Variants in ZNF628 observed in about 807,000 individuals in gnomAD.
The protein encoded by ZNF628 is zinc finger protein 628, also known as zinc finger protein Zec.
Under a neutral mutation model 2.5 loss-of-function variants are expected in ZNF628, and 3 were observed. The observed-to-expected ratio is 1.19, with a 90% CI of 0.54 to 3.07. The LOEUF (loss-of-function observed/expected upper bound fraction) is 3.07. ZNF628 is among the 30% of genes most tolerant of loss of function. ZNF628 has a pLI of 0.03. For synonymous variants in ZNF628, 861 were observed against 717.1 expected (o/e 1.20, Z -3.21); for missense variants, 1,610 against 1,517.1 (o/e 1.06, Z -1.02).
Position 55,481,673 on chromosome 19 carries a change from G to A in ZNF628, c.480G>A (p.Ser160=). 6.2e-7 allele frequency: 1 copy of A among 1,611,488 alleles called. No homozygotes were observed. Among genetic ancestry groups the A allele is most frequent in the Non-Finnish European group, 8.5e-7 (1 of 1,179,138 alleles). Reference sequence around the variant, plus strand: ...ACTGCCCCAAGGCCTTCAAGAACTCGTCCAGCCTGCGGCGCCACCGCCACG... The same window carrying A: ...ACTGCCCCAAGGCCTTCAAGAACTCATCCAGCCTGCGGCGCCACCGCCACG... ...CPDCPKAFKN[S]SSLRRHRHVH... The change falls in exon 3 of 3, where the codon TCG becomes TCA. Residue 160 remains serine (S), a synonymous_variant. Coordinates refer to ENST00000598519, the MANE Select transcript of ZNF628 (RefSeq NM_033113.3).
In ZNF628 at chr19:55,479,589, T is replaced by C. The variant is rs1986649501; in HGVS notation, c.-77-245T>C. ...TTTCTGGACCTCGCACTGCTGACAT[T>C]GTGGATGGGATTGTTCTCCGCTGTG... On this transcript the variant is annotated intron_variant, in intron 1 of 2. Transcript: ENST00000598519. This position sits in a 1 kb window ranked among gnomAD's most constrained non-coding sequence, Gnocchi z 5.1. Among the ~76,000 whole-genome samples the C allele has an allele frequency of 6.6e-6, 1 of 152,028 alleles. No individual in the cohort carries two copies. Among genetic ancestry groups the C allele is most frequent in the Admixed American group, 6.5e-5 (1 of 15,268 alleles).
chr19:55,483,136 A>C lies in ZNF628; in HGVS notation c.1943A>C (p.Asn648Thr). The C allele has an allele frequency of 6.3e-7, 1 of 1,585,438 alleles. No individual in the cohort carries two copies. The highest frequency in any genetic ancestry group is 2.3e-5 in the East Asian group (1 of 43,888). The change falls in exon 3 of 3, where the codon AAC becomes ACC. Residue 648 changes from asparagine to threonine, a missense_variant. Physicochemically the swap from Asn to Thr is moderately conservative, Grantham distance 65. This residue lies in a region of ZNF628 where 712 missense variants were observed against 603.6 expected (regional missense o/e 1.18). Coordinates refer to ENST00000598519, the MANE Select transcript of ZNF628 (RefSeq NM_033113.3). Reference sequence around the variant, plus strand: ...CACCTGAGGACGCACGCCCCGGCCAACACGCCTCCCAGCACCACAGCCCCT... The same window carrying C: ...CACCTGAGGACGCACGCCCCGGCCACCACGCCTCCCAGCACCACAGCCCCT... ...QRHLRTHAPA[N>T]TPPSTTAPAA...
At chr19:55,478,927 G>C (rs1392498065) in intron 1 of ZNF628, among the ~76,000 whole-genome samples, 1 of 152,188 alleles carries the variant, frequency 6.6e-6, no homozygotes, top group Non-Finnish European at 1.5e-5. Flanking sequence ...TAGATTTTGG[G>C]CATGTTAAGT....
rs1487205489 is a variant in ZNF628 at position 55,481,859 on chromosome 19, C to T, written c.666C>T (p.His222=). Residue 222 remains histidine (H), a synonymous_variant, in exon 3 of 3, where the codon CAC becomes CAT. Coordinates refer to ENST00000598519, the MANE Select transcript of ZNF628 (RefSeq NM_033113.3). ...CCCACTCCTCCAACCTGCTGCTGCA[C>T]CAGCGCACGCACGGCGCCGCCCCCG... is the stretch of plus-strand genomic sequence containing the variant. ...TFTHSSNLLL[H]QRTHGAAPAP... is the part of the protein sequence containing the mutation. 2.5e-6 allele frequency: 4 copies of T among 1,579,968 alleles called. No individual in the cohort carries two copies. Among genetic ancestry groups the T allele is most frequent in the South Asian group, 1.1e-5 (1 of 87,958 alleles).
rs767004725 is a variant in ZNF628, at chr19:55,483,056, C to T, written c.1863C>T (p.Pro621=). Residue 621 remains proline, a synonymous_variant, in exon 3 of 3, where the codon CCC becomes CCT. Transcript: ENST00000598519. ...AGCGCACGCACTCGGCGGAGCGCCC[C>T]TTCACCTGCCCCATCTGCGGTCGCG... ...LHQRTHSAER[P]FTCPICGRGF... 2.5e-6 allele frequency: 4 copies of T among 1,611,124 alleles called. No homozygotes were observed. The highest frequency in any genetic ancestry group is 1.3e-5 in the African/African-American group (1 of 74,920).
In ZNF628 at chr19:55,482,868, G is replaced by A. The variant is rs780436601; in HGVS notation, c.1675G>A (p.Val559Met). 33 of 1,602,498 alleles carry A rather than the reference G, an allele frequency of 2.1e-5. No individual in the cohort carries two copies. Among genetic ancestry groups the A allele is most frequent in the Non-Finnish European group, 2.7e-5 (32 of 1,172,926 alleles). The part of the protein sequence containing the change: ...NTSCLRRHRH[V>M]HTGERPHACG... The stretch of plus-strand genomic sequence containing the variant: ...GTCGTGCCTGCGTCGCCACCGCCAC[G>A]TGCACACTGGCGAGAGGCCCCACGC... Residue 559 changes from valine (V) to methionine (M), a missense_variant, in exon 3 of 3, where the codon GTG becomes ATG. By Grantham distance (21) the Val-to-Met change is conservative. Transcript: ENST00000598519.
chr19:55,476,977 G>C (rs1194989556), intron 1 of ZNF628, among the ~76,000 whole-genome samples, 170 bp downstream of exon 1: 1 of 152,182 alleles, frequency 6.6e-6, no homozygotes. Context: ...TAAAGGGCAA[G>C]GGGCCACATT....
rs1986810867 is a variant in ZNF628 at position 55,483,522 on chromosome 19, C to T, written c.2329C>T (p.Pro777Ser). The T allele has an allele frequency of 6.4e-7, 1 of 1,563,430 alleles. No individual in the cohort carries two copies. The highest frequency in any genetic ancestry group is 8.7e-7 in the Non-Finnish European group (1 of 1,153,634). The stretch of plus-strand genomic sequence containing the variant: ...CCAGGGGGCGGGAGTGGTCTGGCTG[C>T]CAGGCCCTGGGGGTCTAGGGGTGCA... ...AGQGAGVVWL[P>S]GPGGLGVQGA... Residue 777 changes from proline to serine, a missense_variant, in exon 3 of 3, where the codon CCA becomes TCA. Physicochemically the swap from Pro to Ser is moderately conservative, Grantham distance 74. Transcript: ENST00000598519.
chr19:55,481,257 G>T lies in ZNF628; in HGVS notation c.64G>T (p.Gly22Trp). ...GCCGGCCTCTACTGCGGAGGGGGCC[G>T]GGGAGAAGCCAGGCCCTGCGGCCCC... ...MAPASTAEGA[G>W]EKPGPAAPAP... Residue 22 changes from glycine to tryptophan, a missense_variant, in exon 3 of 3, where the codon GGG becomes TGG. By Grantham distance (184) the Gly-to-Trp change is radical. Transcript: ENST00000598519. 2 of 1,585,442 alleles carry T rather than the reference G, an allele frequency of 1.3e-6. No homozygotes were observed. The highest frequency in any genetic ancestry group is 1.7e-6 in the Non-Finnish European group (2 of 1,168,290).
At position 55,484,194 on chromosome 19, in the gene ZNF628, C is replaced by T. The variant is rs1599903535; in HGVS notation, c.3001C>T (p.Leu1001=). Residue 1001 remains leucine, a synonymous_variant, in exon 3 of 3, where the codon CTG becomes TTG. Coordinates refer to ENST00000598519, the MANE Select transcript of ZNF628 (RefSeq NM_033113.3). ...TGGGTATLQL[L]APPPSGPASG... ...AGGAGGCACCGCCACGCTGCAGCTC[C>T]TGGCCCCACCGCCGTCAGGCCCAGC... is the stretch of plus-strand genomic sequence containing the variant. The T allele has an allele frequency of 1.9e-6, 3 of 1,548,922 alleles. No individual in the cohort carries two copies. Among genetic ancestry groups the T allele is most frequent in the Non-Finnish European group, 2.6e-6 (3 of 1,147,106 alleles).
chr19:55,482,438 G>T lies in ZNF628; in HGVS notation c.1245G>T (p.Gly415=). The part of the protein sequence containing the change: ...QQCHVEEAAA[G]RPPPQAEAAE... ...GCCACGTGGAAGAGGCCGCGGCCGG[G>T]CGCCCGCCCCCGCAGGCTGAGGCTG... Residue 415 remains glycine, a synonymous_variant, in exon 3 of 3, where the codon GGG becomes GGT. Coordinates refer to ENST00000598519, the MANE Select transcript of ZNF628 (RefSeq NM_033113.3). 1 of 1,352,696 alleles carries T rather than the reference G, an allele frequency of 7.4e-7. No individual in the cohort carries two copies. Among genetic ancestry groups the T allele is most frequent in the Non-Finnish European group, 9.5e-7 (1 of 1,056,984 alleles). 83.8% of individuals were successfully genotyped at this position (1,352,696 alleles called of 1,614,324 possible).
rs1349857423 is a variant in ZNF628, at chr19:55,482,744, C to G, written c.1551C>G (p.Leu517=). 3.1e-6 allele frequency: 5 copies of G among 1,611,686 alleles called. No homozygotes were observed. The highest frequency in any genetic ancestry group is 4.2e-6 in the Non-Finnish European group (5 of 1,179,018). Residue 517 remains leucine (L), a synonymous_variant, in exon 3 of 3, where the codon CTC becomes CTG. Transcript: ENST00000598519. The stretch of plus-strand genomic sequence containing the variant: ...CCTTCACCTGTGGCCAGTGCGGCCT[C>G]ACCTTCAAGTGGTCGTCCCACTACC... ...LRAFTCGQCG[L]TFKWSSHYQY...
rs762278246 is a variant in ZNF628, at chr19:55,482,649, G to A, written c.1456G>A (p.Glu486Lys). 3.7e-6 allele frequency: 6 copies of A among 1,609,246 alleles called. No homozygotes were observed. Among genetic ancestry groups the A allele is most frequent in the Admixed American group, 1.7e-5 (1 of 59,572 alleles). Residue 486 changes from glutamate (E) to lysine (K), a missense_variant, in exon 3 of 3, where the codon GAG (glutamate) becomes AAG (lysine). Glu to Lys is a moderately conservative substitution (Grantham distance 56). Coordinates refer to ENST00000598519, the MANE Select transcript of ZNF628 (RefSeq NM_033113.3). ...GGGCGAGCGGCCCTACCAGTGTGGC[G>A]AGTGCGGCAAGGCCTTCAAGCGCTC... Reference protein sequence around the residue: ...HTGERPYQCGECGKAFKRSSL... With the variant: ...HTGERPYQCGKCGKAFKRSSL...
In ZNF628 at chr19:55,481,718, C is replaced by G. The variant is rs772304814; in HGVS notation, c.525C>G (p.Pro175=). The change falls in exon 3 of 3, where the codon CCC becomes CCG. Residue 175 remains proline, a synonymous_variant. Coordinates refer to ENST00000598519, the MANE Select transcript of ZNF628 (RefSeq NM_033113.3). The stretch of plus-strand genomic sequence containing the variant: ...GCCACGTGCACACCGGCGAGCGGCC[C>G]TACACCTGTGGAGTCTGCGGGAAGA... ...RHRHVHTGER[P]YTCGVCGKSF... 24 of 1,612,622 alleles carry G rather than the reference C, an allele frequency of 1.5e-5. No homozygotes were observed.
rs368134041 is a variant in ZNF628, at chr19:55,478,708, A to ACC, written c.-77-1125_-77-1124insCC. 5.3e-3 allele frequency among the ~76,000 whole-genome samples: 801 copies of ACC among 152,280 alleles called. 5 individuals are homozygous for ACC. The highest frequency in any genetic ancestry group is 0.034 in the Middle Eastern group (10 of 294). Reference sequence around the variant, plus strand: ...GCTGTTGCAGCTGCCTGGGAGAGAGACAGTGGTGCCTCAGATCAAGGTGGA... The same window carrying ACC: ...GCTGTTGCAGCTGCCTGGGAGAGAGACCCAGTGGTGCCTCAGATCAAGGTGGA... On this transcript the variant is annotated intron_variant, in intron 1 of 2. Coordinates refer to ENST00000598519, the MANE Select transcript of ZNF628 (RefSeq NM_033113.3).
Position 55,484,210 on chromosome 19 carries a change from C to G in ZNF628, c.3017C>G (p.Ser1006Ter). Residue 1006 changes from serine to a stop codon, truncating the protein, a stop_gained, in exon 3 of 3, where the codon TCA (serine) becomes TGA (stop). Transcript: ENST00000598519. LOFTEE classifies it low-confidence loss of function (END_TRUNC). ...ATLQLLAPPP[S>*]GPASGPAGLP... is the part of the protein sequence containing the mutation. ...CTGCAGCTCCTGGCCCCACCGCCGT[C>G]AGGCCCAGCCTCGGGCCCCGCGGGG... is the stretch of plus-strand genomic sequence containing the variant. 6.5e-7 allele frequency: 1 copy of G among 1,546,728 alleles called. No individual in the cohort carries two copies. Among genetic ancestry groups the G allele is most frequent in the Non-Finnish European group, 8.7e-7 (1 of 1,145,734 alleles).
In ZNF628 at chr19:55,483,140, G is replaced by T. The variant is rs1392723572; in HGVS notation, c.1947G>T (p.Thr649=). 6.3e-7 allele frequency: 1 copy of T among 1,581,416 alleles called. No homozygotes were observed. The highest frequency in any genetic ancestry group is 8.5e-7 in the Non-Finnish European group (1 of 1,170,378). ...TGAGGACGCACGCCCCGGCCAACAC[G>T]CCTCCCAGCACCACAGCCCCTGCCG... ...RHLRTHAPAN[T]PPSTTAPAAG... is the part of the protein sequence containing the mutation. Residue 649 remains threonine, a synonymous_variant, in exon 3 of 3, where the codon ACG becomes ACT. Coordinates refer to ENST00000598519, the MANE Select transcript of ZNF628 (RefSeq NM_033113.3).
At position 55,484,219 on chromosome 19, in the gene ZNF628, C is replaced by T. The variant is rs1202717348; in HGVS notation, c.3026C>T (p.Ala1009Val). The change falls in exon 3 of 3, where the codon GCC (alanine) becomes GTC (valine). Residue 1009 changes from alanine (A) to valine (V), a missense_variant. Coordinates refer to ENST00000598519, the MANE Select transcript of ZNF628 (RefSeq NM_033113.3). ...CTGGCCCCACCGCCGTCAGGCCCAGCCTCGGGCCCCGCGGGGCTCCCCGGG... is the reference window on the plus strand; with the variant it reads ...CTGGCCCCACCGCCGTCAGGCCCAGTCTCGGGCCCCGCGGGGCTCCCCGGG... ...QLLAPPPSGP[A>V]SGPAGLPGAP... is the part of the protein sequence containing the mutation. 2 of 1,548,424 alleles carry T rather than the reference C, an allele frequency of 1.3e-6. No individual in the cohort carries two copies. Among genetic ancestry groups the T allele is most frequent in the Non-Finnish European group, 1.7e-6 (2 of 1,146,434 alleles).
In ZNF628 at chr19:55,483,932, G is replaced by A; in HGVS notation, c.2739G>A (p.Glu913=). ...GPGPGEAGDG[E]ASTGVVQDVL... is the part of the protein sequence containing the mutation. ...GCCCCGGGGAGGCGGGGGATGGCGA[G>A]GCCAGCACTGGTGTGGTCCAGGATG... The change falls in exon 3 of 3, where the codon GAG becomes GAA. Residue 913 remains glutamate (E), a synonymous_variant. Transcript: ENST00000598519. The A allele has an allele frequency of 6.3e-7, 1 of 1,574,934 alleles. No homozygotes were observed. Among genetic ancestry groups the A allele is most frequent in the Non-Finnish European group, 8.6e-7 (1 of 1,159,598 alleles).
Sources: allele counts gnomAD v4.1 joint callset (sites outside exome capture counted in the v4.1 genomes callset), GRCh38; gene constraint gnomAD v4.1.1; regional missense constraint gnomAD v4.1.1; non-coding constraint Gnocchi (gnomAD v3.1); transcripts MANE v1.5; gene names NCBI Gene and HGNC (gene_info 2026-07-23, HGNC 2026-07-21).